The following MYH7 variants were observed in gnomAD, a reference collection of about 807,000 sequenced individuals.
MYH7 encodes myosin-7.
A neutral mutation model predicts 225.4 loss-of-function variants in MYH7; 129 were observed. That is an observed-to-expected ratio of 0.57 (90% CI 0.50 to 0.66). The LOEUF is 0.66. Among genes scored for constraint, MYH7 ranks in the 30% least tolerant of loss-of-function variants. MYH7 has a pLI of 0.00. For synonymous variants in MYH7, 971 were observed against 1,007.6 expected (o/e 0.96, Z 0.69); for missense variants, 1,649 against 2,517.0 (o/e 0.66, Z 7.38).
chr14:23,427,153 TA>T, intron 17 of MYH7, 86 bp downstream of exon 17: 1 of 1,150,384 alleles, frequency 8.7e-7, no homozygotes, highest in South Asian at 1.2e-5. Context: ...ACGGGAGGAG[TA>T]GGGGATGAAC....
chr14:23,422,410 A>T, intron 24 of MYH7, 85 bp from the exon 25 acceptor site: 1 of 1,594,364 alleles, frequency 6.3e-7, no homozygotes, highest in Non-Finnish European at 8.6e-7. Flanking sequence ...GGACTTGGTA[A>T]ATCTTTGTGT....
chr14:23,427,403 G>A, intron 16 of MYH7, 96 bp from the exon 17 acceptor site: 1 of 1,528,010 alleles, frequency 6.5e-7, no homozygotes, highest in Non-Finnish European at 9.0e-7. Flanking sequence ...GCTGGCATTT[G>A]GCCCCTGGGT....
At chr14:23,414,888 C>T (rs1031151908) in intron 37 of MYH7, 107 bp downstream of exon 37, 1 of 1,574,390 alleles carries the variant, frequency 6.4e-7, no homozygotes, top group African/African-American at 1.3e-5. Context: ...GGCTGCATTC[C>T]CATCCTCGCC....
chr14:23,423,890 A>G lies in MYH7; in HGVS notation c.2922+17T>C. The G allele has an allele frequency of 6.2e-7, 1 of 1,613,870 alleles. No homozygotes were observed. Among genetic ancestry groups the G allele is most frequent in the Non-Finnish European group, 8.5e-7 (1 of 1,180,026 alleles). ...CCTGATGAGACCCGGGCTGGAGCCA[A>G]AGGGAGCTGCCCTTACCTTGTTCTC... On this transcript the variant is annotated intron_variant, in intron 23 of 39. Coordinates refer to ENST00000355349, the MANE Select transcript of MYH7 (RefSeq NM_000257.4).
chr14:23,417,441 T>C, intron 31 of MYH7, 62 bp downstream of exon 31: 1 of 1,612,020 alleles, frequency 6.2e-7, no homozygotes, highest in Non-Finnish European at 8.5e-7. Context: ...CTCTGGCCTC[T>C]CACTGAACCC....
chr14:23,423,368 C>G (rs1235979521), intron 24 of MYH7, among the ~76,000 whole-genome samples, 179 bp downstream of exon 24: 2 of 151,866 alleles, frequency 1.3e-5, no homozygotes, highest in Non-Finnish European at 2.9e-5. Flanking sequence ...CATTCCCCAG[C>G]TCCTTTCTAG....
At chr14:23,431,278 C>T in intron 9 of MYH7, 140 bp downstream of exon 9, 1 of 891,542 alleles carries the variant, frequency 1.1e-6, no homozygotes, top group Non-Finnish European at 1.9e-6. Flanking sequence ...ATATGTAGAC[C>T]TGAAGACAGA....
In MYH7 at chr14:23,420,831, C is replaced by A. The variant is rs114140320; in HGVS notation, c.3336+127G>T. The A allele has an allele frequency of 1.3e-3, 947 of 740,664 alleles. 10 individuals are homozygous for A. In the African/African-American group the frequency reaches 0.014, roughly 11 times the overall value. 45.9% of individuals were successfully genotyped at this position (740,664 alleles called of 1,614,324 possible). Reference sequence around the variant, plus strand: ...ATCCATGGGCACACTGTGATAGCTGCGTGCCTGCCTCCATGGACACATAAT... The same window carrying A: ...ATCCATGGGCACACTGTGATAGCTGAGTGCCTGCCTCCATGGACACATAAT... On this transcript the variant is annotated intron_variant, in intron 26 of 39. Coordinates refer to ENST00000355349, the MANE Select transcript of MYH7 (RefSeq NM_000257.4).
At position 23,433,064 on chromosome 14, in the gene MYH7, G is replaced by A. The variant is rs1893012635; in HGVS notation, c.345+20C>T. 1 of 1,614,062 alleles carries A rather than the reference G, an allele frequency of 6.2e-7. No homozygotes were observed. Among genetic ancestry groups the A allele is most frequent in the Non-Finnish European group, 8.5e-7 (1 of 1,180,008 alleles). ...GAGCAAGAACAGAGATCCCAACGTA[G>A]GGCCAGGTGCAGCACTCACGTAGAT... On this transcript the variant is annotated intron_variant, in intron 4 of 39. Transcript: ENST00000355349. This position sits in a 1 kb window ranked among gnomAD's most constrained non-coding sequence, Gnocchi z 4.1.
In MYH7 at chr14:23,417,487, C is replaced by G; in HGVS notation, c.4353+16G>C. On this transcript the variant is annotated intron_variant, in intron 31 of 39. Transcript: ENST00000355349. ...CTTGCCCTGCATGCTGGCTGCGGCC[C>G]CCACCCAGGGCCCACCTTGTCGAAG... 2 of 1,612,312 alleles carry G rather than the reference C, an allele frequency of 1.2e-6. No homozygotes were observed. Among genetic ancestry groups the G allele is most frequent in the Non-Finnish European group, 1.7e-6 (2 of 1,180,028 alleles).
chr14:23,429,641 G>C (rs556721414), intron 12 of MYH7, 134 bp downstream of exon 12: 1 of 1,309,378 alleles, frequency 7.6e-7, no homozygotes, highest in Non-Finnish European at 1.0e-6. Context: ...GTGCCACTGC[G>C]CTCCAGCCTG....
At chr14:23,414,384 C>T (rs2138636631) in intron 37 of MYH7, among the ~76,000 whole-genome samples, 1 of 152,216 alleles carries the variant, frequency 6.6e-6, no homozygotes, top group South Asian at 2.1e-4. Flanking sequence ...TCCGGGGACC[C>T]CATGCGGGAT....
At chr14:23,422,053 C>A in intron 25 of MYH7, 127 bp downstream of exon 25, 1 of 1,452,228 alleles carries the variant, frequency 6.9e-7, no homozygotes, top group Non-Finnish European at 9.5e-7. Flanking sequence ...GAGGCCTTTT[C>A]CCATGGTTTG....
In MYH7 at chr14:23,422,430, G is replaced by A. The variant is rs146137387; in HGVS notation, c.3100-105C>T. The A allele has an allele frequency of 2.8e-4, 426 of 1,532,474 alleles. 1 individual carries two copies. The African/African-American group carries it at 4.7e-3, about 17-fold the overall frequency. 94.9% of individuals were successfully genotyped at this position (1,532,474 alleles called of 1,614,324 possible). On this transcript the variant is annotated intron_variant, in intron 24 of 39. Transcript: ENST00000355349. ...TGGTAAATCTTTGTGTTCAGGACTT[G>A]GGAAACCTTCCCCAGAGTGGGCCAA...
At chr14:23,416,505 C>A (rs958537678) in intron 33 of MYH7, among the ~76,000 whole-genome samples, 193 bp from the exon 34 acceptor site, 1 of 152,106 alleles carries the variant, frequency 6.6e-6, no homozygotes, top group Non-Finnish European at 1.5e-5. Flanking sequence ...CAGGCCCTCA[C>A]AGGGGAGAGC....
Position 23,415,938 on chromosome 14 carries a change from G to A in MYH7, c.4953+66C>T. On this transcript the variant is annotated intron_variant, in intron 34 of 39. Coordinates refer to ENST00000355349, the MANE Select transcript of MYH7 (RefSeq NM_000257.4). The surrounding 1 kb of genome is among the most constrained non-coding windows in gnomAD (Gnocchi z 6.3). ...GTAACCTAGGGGCAGGAGGAATCTG[G>A]TGCCTGTATCAAGACACTACTGCTT... 2 of 1,613,568 alleles carry A rather than the reference G, an allele frequency of 1.2e-6. No individual in the cohort carries two copies. The highest frequency in any genetic ancestry group is 1.3e-5 in the African/African-American group (1 of 75,042).
chr14:23,435,580 C>T (rs1893108301), intron 1 of MYH7, 40 bp downstream of exon 1: 1 of 152,376 alleles, frequency 6.6e-6, no homozygotes, highest in African/African-American at 2.4e-5. Flanking sequence ...AGCCTGGAGC[C>T]CCCTTATCCC....
At chr14:23,414,851 G>T in intron 37 of MYH7, 144 bp downstream of exon 37, 2 of 1,400,438 alleles carry the variant, frequency 1.4e-6, no homozygotes, top group South Asian at 2.5e-5. Context: ...ATTCAGAGTG[G>T]GGCAGGGCTA....
In MYH7 at chr14:23,416,330, G is replaced by A. The variant is rs2138642860; in HGVS notation, c.4645-18C>T. The stretch of plus-strand genomic sequence containing the variant: ...AGGGAGGCCTGGGAAGGGGTTGGGG[G>A]AGGGGATGCAGGCAGACAGTCAGGG... On this transcript the variant is annotated intron_variant, in intron 33 of 39. Coordinates refer to ENST00000355349, the MANE Select transcript of MYH7 (RefSeq NM_000257.4). The A allele has an allele frequency of 6.2e-7, 1 of 1,610,748 alleles. No individual in the cohort carries two copies. Among genetic ancestry groups the A allele is most frequent in the Non-Finnish European group, 8.5e-7 (1 of 1,177,936 alleles).
Sources: allele counts gnomAD v4.1 joint callset (sites outside exome capture counted in the v4.1 genomes callset), GRCh38; gene constraint gnomAD v4.1.1; non-coding constraint Gnocchi (gnomAD v3.1); transcripts MANE v1.5; gene names NCBI Gene and HGNC (gene_info 2026-07-23, HGNC 2026-07-21).